Variants in UBA2 observed in about 807,000 individuals in gnomAD.
The protein encoded by UBA2 is SUMO-activating enzyme subunit 2.
In UBA2, 11 loss-of-function variants were observed where a neutral mutation model predicts 77.2. The observed-to-expected ratio is 0.14, with a 90% CI of 0.09 to 0.24. The LOEUF (loss-of-function observed/expected upper bound fraction) is 0.24, where lower values mean the gene tolerates loss of function less well. UBA2 is among the 10% of genes least tolerant of loss of function. The pLI, the probability that UBA2 is intolerant of heterozygous loss-of-function variation, is 1.00. For missense variants in UBA2, 487 were observed against 781.7 expected (o/e 0.62, Z 4.50); for synonymous variants, 278 against 276.7 (o/e 1.00, Z -0.05).
At chr19:34,441,335 G>A (rs1208864383) in intron 6 of UBA2, among the ~76,000 whole-genome samples, 1 of 151,512 alleles carries the variant, frequency 6.6e-6, no homozygotes, top group African/African-American at 2.4e-5. Context: ...GGTGCCTGTA[G>A]TCCCAGCTGC....
chr19:34,444,316 C>T (rs1165163659), intron 7 of UBA2, among the ~76,000 whole-genome samples: 1 of 151,844 alleles, frequency 6.6e-6, no homozygotes, highest in African/African-American at 2.4e-5. Context: ...CCTTGGCCTC[C>T]CAAAGTGCTG....
chr19:34,433,231 A>T (rs559377703), intron 3 of UBA2, 117 bp from the exon 4 acceptor site: 1 of 708,356 alleles, frequency 1.4e-6, no homozygotes, highest in African/African-American at 1.8e-5. Context: ...ATGACATATA[A>T]TCCTGATATC....
intron 5 of UBA2, among the ~76,000 whole-genome samples, chr19:34,436,491 G>T (rs1355249535): frequency 1.3e-5 from 2 of 152,100 alleles, no homozygotes; most frequent in Non-Finnish European, 2.9e-5. Flanking sequence ...TAGAGACGGG[G>T]TTTCTCTATG....
intron 5 of UBA2, among the ~76,000 whole-genome samples, chr19:34,438,169 CAGG>C (rs2075330268): frequency 6.8e-6 from 1 of 146,882 alleles, no homozygotes; most frequent in Non-Finnish European, 1.5e-5. Flanking sequence ...TACTTAATTT[CAGG>C]AGATTATAAG....
At chr19:34,468,912 G>GA in intron 16 of UBA2, 128 bp from the exon 17 acceptor site, 8 of 681,880 alleles carry the variant, frequency 1.2e-5, no homozygotes, top group Non-Finnish European at 1.4e-5. Flanking sequence ...TGTGTAAAGT[G>GA]AAAATGCAGC....
chr19:34,431,095 A>G lies in UBA2; in HGVS notation c.222+436A>G, dbSNP rs118115059. ...ATCTTTTCCCTTTGCCTGTCTCCCA[A>G]CCTGTTTGGCAAACCCCCACTTGTT... On this transcript the variant is annotated intron_variant, in intron 2 of 16. Transcript: ENST00000246548. Among the ~76,000 whole-genome samples, 96 of 151,948 alleles carry G rather than the reference A, an allele frequency of 6.3e-4. 1 individual carries two copies. The East Asian group carries it at 0.014, about 21-fold the overall frequency.
At chr19:34,447,927 G>T (rs971255772) in intron 8 of UBA2, among the ~76,000 whole-genome samples, 1 of 152,010 alleles carries the variant, frequency 6.6e-6, no homozygotes, top group Non-Finnish European at 1.5e-5. Context: ...CTCTGAATAG[G>T]GTACAGTATG....
chr19:34,461,233 C>T (rs1283186869), intron 14 of UBA2, among the ~76,000 whole-genome samples: 1 of 152,152 alleles, frequency 6.6e-6, no homozygotes, highest in Non-Finnish European at 1.5e-5. Flanking sequence ...TCGAAGGTTT[C>T]TAGGCCCTGT....
At chr19:34,433,271 C>A in intron 3 of UBA2, 77 bp from the exon 4 acceptor site, 3 of 1,032,478 alleles carry the variant, frequency 2.9e-6, no homozygotes, top group Non-Finnish European at 4.4e-6. Flanking sequence ...ATGTTTTTTT[C>A]AGAACTGTTT....
At chr19:34,438,803 T>C (rs2075337268) in intron 6 of UBA2, 37 bp downstream of exon 6, 1 of 1,607,654 alleles carries the variant, frequency 6.2e-7, no homozygotes, top group South Asian at 1.1e-5. Flanking sequence ...TTTTCGGTAC[T>C]GATGATGGAA....
At chr19:34,463,725 C>T (rs2075657450) in intron 14 of UBA2, among the ~76,000 whole-genome samples, 1 of 152,128 alleles carries the variant, frequency 6.6e-6, no homozygotes, top group African/African-American at 2.4e-5. Flanking sequence ...TCCCTGGCCT[C>T]CCAAAGTGCT....
Position 34,471,098 on chromosome 19 carries a change from G to T in UBA2, c.*1877G>T, listed in dbSNP as rs2075729346. ...CTGGTCCCGGACCTCAGAGGGCTTT[G>T]CCTGTTAGGGTACTCTTATCACTCA... On this transcript the variant is annotated 3_prime_UTR_variant, in exon 17 of 17. Coordinates refer to ENST00000246548, the MANE Select transcript of UBA2 (RefSeq NM_005499.3). 6.6e-6 allele frequency: 1 copy of T among 152,166 alleles called. No individual in the cohort carries two copies. Among genetic ancestry groups the T allele is most frequent in the African/African-American group, 2.4e-5 (1 of 41,406 alleles). 9.4% of individuals were successfully genotyped at this position (152,166 alleles called of 1,614,324 possible). A position where few individuals can be genotyped will look rare whatever the true frequency, so the allele number is the denominator to read the frequency against.
At chr19:34,448,494 C>G (rs2075455987) in intron 8 of UBA2, among the ~76,000 whole-genome samples, 1 of 152,032 alleles carries the variant, frequency 6.6e-6, no homozygotes. Context: ...ACTCAGGAGG[C>G]TGGGACAGGA....
In UBA2 at chr19:34,460,588, C is replaced by A. The variant is rs775960390; in HGVS notation, c.1498+22C>A. The A allele has an allele frequency of 3.3e-6, 5 of 1,516,412 alleles. No homozygotes were observed. In the South Asian group the frequency reaches 3.6e-5, roughly 11 times the overall value. The allele number at this position is 1,516,412 out of a possible 1,614,324, so 93.9% of individuals were successfully genotyped here. A position where few individuals can be genotyped will look rare whatever the true frequency, so the allele number is the denominator to read the frequency against. ...GAAGGTATCATACATTGTATTTATT[C>A]ATTCCTCTCATTGAGGAGACTGCTT... is the stretch of plus-strand genomic sequence containing the variant. On this transcript the variant is annotated intron_variant, in intron 14 of 16. Transcript: ENST00000246548.
chr19:34,469,439 G>A lies in UBA2; in HGVS notation c.*218G>A. On this transcript the variant is annotated 3_prime_UTR_variant, in exon 17 of 17. Transcript: ENST00000246548. Reference sequence around the variant, plus strand: ...GTTTTAAAAACCCTTTGAACAAAGTGTGTGCATAACCAGTCATGAGATAAA... The same window carrying A: ...GTTTTAAAAACCCTTTGAACAAAGTATGTGCATAACCAGTCATGAGATAAA... 6.7e-6 allele frequency: 2 copies of A among 299,834 alleles called. No homozygotes were observed. Among genetic ancestry groups the A allele is most frequent in the East Asian group, 1.1e-4 (2 of 17,934 alleles). The allele number at this position is 299,834 out of a possible 1,614,324, so 18.6% of individuals were successfully genotyped here. A position where few individuals can be genotyped will look rare whatever the true frequency, so the allele number is the denominator to read the frequency against.
At chr19:34,453,455 G>C (rs1327376107) in intron 10 of UBA2, among the ~76,000 whole-genome samples, 1 of 151,556 alleles carries the variant, frequency 6.6e-6, no homozygotes. Flanking sequence ...CATATGAAGA[G>C]AGTTTGGCAA....
At chr19:34,468,993 C>G in intron 16 of UBA2, 47 bp from the exon 17 acceptor site, 2 of 1,512,768 alleles carry the variant, frequency 1.3e-6, no homozygotes, top group Non-Finnish European at 1.8e-6. Context: ...GCACAGGTAA[C>G]TCCCACGCTT....
At chr19:34,433,144 A>C in intron 3 of UBA2, 1 of 487,782 alleles carries the variant, frequency 2.1e-6, no homozygotes. Flanking sequence ...TAGCTGGCCA[A>C]AAAGGATAGG....
At chr19:34,459,116 CA>C (rs1208092243) in intron 13 of UBA2, among the ~76,000 whole-genome samples, 192 bp downstream of exon 13, 1 of 152,142 alleles carries the variant, frequency 6.6e-6, no homozygotes, top group Non-Finnish European at 1.5e-5. Flanking sequence ...CTCACATTCC[CA>C]GAATGGAGTA....
Sources: allele counts gnomAD v4.1 joint callset (sites outside exome capture counted in the v4.1 genomes callset), GRCh38; gene constraint gnomAD v4.1.1; transcripts MANE v1.5; gene names NCBI Gene and HGNC (gene_info 2026-07-23, HGNC 2026-07-21).